The following AGFG1 variants were observed in gnomAD, a reference collection of about 807,000 sequenced individuals.
The protein encoded by AGFG1 is ArfGAP with FG repeats 1, also known as arf-GAP domain and FG repeat-containing protein 1.
A neutral mutation model predicts 60.6 loss-of-function variants in AGFG1; 10 were observed. The ratio of observed to expected loss-of-function variants is 0.16; its 90% CI spans 0.10 to 0.28. AGFG1 has a LOEUF of 0.28. Ranked by LOEUF, AGFG1 falls within the 10% of genes least tolerant of loss-of-function variation. AGFG1 has a pLI of 1.00. For synonymous variants in AGFG1, 247 were observed against 242.9 expected, an observed-to-expected ratio of 1.02 and a Z score of -0.16; for missense variants, 537 against 676.5, an observed-to-expected ratio of 0.79 and a Z score of 2.29.
At chr2:227,483,295 ATTT>A (rs1690524139) in intron 1 of AGFG1, among the ~76,000 whole-genome samples, 1 of 152,186 alleles carries the variant, frequency 6.6e-6, no homozygotes, top group African/African-American at 2.4e-5. Context: ...CTAATGATAA[ATTT>A]AATTACTCTA....
rs1257901879 is a variant in AGFG1 at position 227,560,312 on chromosome 2, G to T, written c.*5817G>T. The T allele has an allele frequency of 1.3e-5, 2 of 151,936 alleles. No homozygotes were observed. The highest frequency in any genetic ancestry group is 4.8e-5 in the African/African-American group (2 of 41,396). 9.4% of individuals were successfully genotyped at this position (151,936 alleles called of 1,614,324 possible). ...ATATATGAAGATTACTCTTGATTCT[G>T]CCTGACTGGAAACTTTATTAATAAA... On this transcript the variant is annotated 3_prime_UTR_variant, in exon 13 of 13. Transcript: ENST00000310078.
At chr2:227,495,802 A>G (rs1690954870) in intron 2 of AGFG1, among the ~76,000 whole-genome samples, 1 of 152,000 alleles carries the variant, frequency 6.6e-6, no homozygotes, top group African/African-American at 2.4e-5. Flanking sequence ...TGAAGACTAA[A>G]AGTAAAAGCA....
intron 2 of AGFG1, among the ~76,000 whole-genome samples, chr2:227,506,459 T>C (rs200800503): frequency 3.3e-5 from 5 of 151,598 alleles, no homozygotes; most frequent in South Asian, 2.1e-4. Flanking sequence ...GCTATGGCTG[T>C]GGTGAACCTC....
intron 2 of AGFG1, 22 bp from the exon 3 acceptor site, chr2:227,519,925 TA>T (rs566385884): frequency 2.1e-5 from 30 of 1,411,462 alleles, no homozygotes; most frequent in Middle Eastern, 1.9e-4. Context: ...ATTTAACATA[TA>T]TTTTTTTAAT....
At chr2:227,541,753 G>C (rs1452697142) in intron 10 of AGFG1, among the ~76,000 whole-genome samples, 3 of 152,162 alleles carry the variant, frequency 2.0e-5, no homozygotes, top group Admixed American at 6.5e-5. Context: ...GTAGCTTGAT[G>C]GGGATGGCAT....
rs529856607 is a variant in AGFG1, at chr2:227,502,343, CAG to C, written c.261+10706_261+10707del. Among the ~76,000 whole-genome samples, 203 of 152,116 alleles carry C rather than the reference CAG, an allele frequency of 1.3e-3. 2 individuals carry two copies. Among genetic ancestry groups the C allele is most frequent in the African/African-American group, 4.5e-3 (186 of 41,490 alleles). On this transcript the variant is annotated intron_variant, in intron 2 of 12. Coordinates refer to ENST00000310078, the MANE Select transcript of AGFG1 (RefSeq NM_004504.5). ...GTTTTTTGTTTTTAATTTTTTGAGA[CAG>C]AGTCTCACTCTGTTGCCCAGACTGG...
intron 1 of AGFG1, among the ~76,000 whole-genome samples, chr2:227,475,793 C>T (rs2106149160): frequency 6.6e-6 from 1 of 152,276 alleles, no homozygotes; most frequent in South Asian, 2.1e-4. Context: ...CAATGATACA[C>T]ATCGTTACTG....
intron 2 of AGFG1, among the ~76,000 whole-genome samples, chr2:227,513,260 C>T (rs1209625764): frequency 1.3e-5 from 2 of 152,158 alleles, no homozygotes; most frequent in East Asian, 3.8e-4. Context: ...GAGTTGGCTG[C>T]TGTGCTGGAT....
At chr2:227,501,893 C>G (rs1430691713) in intron 2 of AGFG1, among the ~76,000 whole-genome samples, 2 of 151,412 alleles carry the variant, frequency 1.3e-5, no homozygotes, top group Non-Finnish European at 2.9e-5. Context: ...GGTTCTTACT[C>G]TGTTGTCCAG....
chr2:227,488,947 G>A (rs986127199), intron 1 of AGFG1, among the ~76,000 whole-genome samples: 3 of 152,084 alleles, frequency 2.0e-5, no homozygotes, highest in Admixed American at 6.5e-5. Context: ...CCGAGTAGCT[G>A]GGACTACAGG....
chr2:227,514,568 C>T (rs1336373958), intron 2 of AGFG1, among the ~76,000 whole-genome samples: 1 of 152,144 alleles, frequency 6.6e-6, no homozygotes, highest in African/African-American at 2.4e-5. Flanking sequence ...CTCTAAACCT[C>T]CCTATGAAAT....
chr2:227,511,511 G>C (rs1691497675), intron 2 of AGFG1, among the ~76,000 whole-genome samples: 1 of 152,182 alleles, frequency 6.6e-6, no homozygotes, highest in South Asian at 2.1e-4. Context: ...ATAGGCCCCA[G>C]ATTTAGCCCA....
chr2:227,480,599 T>C (rs111846253), intron 1 of AGFG1, among the ~76,000 whole-genome samples: 3,810 of 152,102 alleles, frequency 0.025, 67 homozygotes, highest in South Asian at 0.049. Context: ...TACTTTTTTT[T>C]TTTTTTTAAC....
intron 10 of AGFG1, among the ~76,000 whole-genome samples, chr2:227,546,471 T>C (rs10933192): frequency 0.6 from 91,811 of 152,026 alleles, 27,758 homozygotes; most frequent in South Asian, 0.7. Flanking sequence ...TTGCTTCGGC[T>C]CACACTCCGT....
rs1477901957 is a variant in AGFG1 at position 227,557,558 on chromosome 2, TATTAAA to T, written c.*3069_*3074del. ...AGCTTGTATCTCTGAGAATTTATTG[TATTAAA>T]ATTAATACTGAGATATTTTTAAAAC... is the stretch of plus-strand genomic sequence containing the variant. On this transcript the variant is annotated 3_prime_UTR_variant, in exon 13 of 13. Transcript: ENST00000310078. The T allele has an allele frequency of 6.6e-6, 1 of 151,340 alleles. No homozygotes were observed. Among genetic ancestry groups the T allele is most frequent in the East Asian group, 2.0e-4 (1 of 5,122 alleles). 9.4% of individuals were successfully genotyped at this position (151,340 alleles called of 1,614,324 possible).
chr2:227,518,388 T>C (rs1389078413), intron 2 of AGFG1, among the ~76,000 whole-genome samples: 1 of 152,220 alleles, frequency 6.6e-6, no homozygotes, highest in Non-Finnish European at 1.5e-5. Flanking sequence ...TTTTCCAAAG[T>C]GCTTACACCA....
intron 5 of AGFG1, among the ~76,000 whole-genome samples, chr2:227,526,780 G>A (rs1236447570): frequency 6.6e-6 from 1 of 152,000 alleles, no homozygotes; most frequent in African/African-American, 2.4e-5. Context: ...CTGACCTCAG[G>A]TGTTCCACCT....
chr2:227,477,664 G>C lies in AGFG1; in HGVS notation c.167+5076G>C, dbSNP rs879323155. The stretch of plus-strand genomic sequence containing the variant: ...CTCGTCACCCAGGCTGGAGTGCAGT[G>C]GTGCGATCTCACCTCACTGCAACCT... On this transcript the variant is annotated intron_variant, in intron 1 of 12. Coordinates refer to ENST00000310078, the MANE Select transcript of AGFG1 (RefSeq NM_004504.5). 2.0e-5 allele frequency among the ~76,000 whole-genome samples: 3 copies of C among 152,020 alleles called. No individual in the cohort carries two copies. The East Asian group carries it at 5.8e-4, about 29-fold the overall frequency.
At chr2:227,500,058 G>A (rs1691107172) in intron 2 of AGFG1, among the ~76,000 whole-genome samples, 1 of 152,148 alleles carries the variant, frequency 6.6e-6, no homozygotes, top group South Asian at 2.1e-4. Flanking sequence ...CATTCATTTT[G>A]GCAACAGAGT....
Sources: gnomAD v4.1 joint callset for allele counts (sites outside exome capture counted in the v4.1 genomes callset) on GRCh38, gnomAD v4.1.1 for gene constraint, MANE v1.5 for transcripts, NCBI Gene and HGNC (gene_info 2026-07-23, HGNC 2026-07-21) for gene names.